Variants in MACROD2 observed in about 807,000 individuals in gnomAD.
MACROD2 encodes the protein ADP-ribose glycohydrolase MACROD2.
MACROD2 carries 36 observed loss-of-function variants against 70.4 expected under a neutral mutation model. The ratio of observed to expected loss-of-function variants is 0.51; its 90% confidence interval spans 0.39 to 0.68. The LOEUF (loss-of-function observed/expected upper bound fraction) is 0.68, where lower values mean the gene tolerates loss of function less well. Ranked by LOEUF, MACROD2 falls within the 30% of genes least tolerant of loss-of-function variation. The pLI is 0.00. For missense variants in MACROD2, 496 were observed against 538.4 expected, an observed-to-expected ratio of 0.92 and a Z score of 0.78; for synonymous variants, 172 against 178.8, an observed-to-expected ratio of 0.96 and a Z score of 0.30.
At chr20:14,951,949 T>C (rs2074479803) in intron 5 of MACROD2, among the ~76,000 whole-genome samples, 1 of 150,892 alleles carries the variant, frequency 6.6e-6, no homozygotes, top group South Asian at 2.1e-4. Context: ...TTATTACTCA[T>C]CACTTAAAAT....
At chr20:15,995,437 C>A (rs1222169167) in intron 15 of MACROD2, among the ~76,000 whole-genome samples, 2 of 151,558 alleles carry the variant, frequency 1.3e-5, no homozygotes, top group Admixed American at 6.6e-5. Context: ...GCAAGCTCCG[C>A]CTCCCAGGTT....
chr20:14,567,064 C>T lies in MACROD2; in HGVS notation c.301+73556C>T, dbSNP rs1236722570. 4.6e-5 allele frequency: 7 copies of T among 151,990 alleles called. No homozygotes were observed. The South Asian group carries it at 6.2e-4, about 14-fold the overall frequency. 9.4% of individuals were successfully genotyped at this position (151,990 alleles called of 1,614,324 possible). ...CCTGGAACTCCTGGGCTCCAGTGAT[C>T]CTTTTGCCTCAGACTCCCTAGTAGC... On this transcript the variant is annotated intron_variant, in intron 4 of 17. Transcript: ENST00000684519.
At chr20:15,140,937 T>C (rs948436917) in intron 5 of MACROD2, among the ~76,000 whole-genome samples, 1 of 152,240 alleles carries the variant, frequency 6.6e-6, no homozygotes, top group Non-Finnish European at 1.5e-5. Context: ...GTATGCACCA[T>C]ACTGACCAAA....
chr20:14,819,579 G>C (rs1334017298), intron 5 of MACROD2, among the ~76,000 whole-genome samples: 1 of 151,994 alleles, frequency 6.6e-6, no homozygotes. Flanking sequence ...CTATTAAACA[G>C]ATCAGTACAT....
At chr20:15,244,691 A>G (rs2077090509) in intron 6 of MACROD2, among the ~76,000 whole-genome samples, 1 of 152,210 alleles carries the variant, frequency 6.6e-6, no homozygotes. Context: ...AAAAGATCTC[A>G]GGGTCTGATT....
chr20:14,539,177 T>C (rs369346447), intron 4 of MACROD2, among the ~76,000 whole-genome samples: 1 of 152,214 alleles, frequency 6.6e-6, no homozygotes, highest in Non-Finnish European at 1.5e-5. Context: ...ATTATCTCAA[T>C]TGTGTACAAT....
At chr20:15,069,590 C>G (rs1291032111) in intron 5 of MACROD2, among the ~76,000 whole-genome samples, 1 of 152,228 alleles carries the variant, frequency 6.6e-6, no homozygotes, top group East Asian at 1.9e-4. Context: ...GGACACTGCT[C>G]CCTGGATCCA....
At chr20:15,198,115 C>A (rs2076622478) in intron 5 of MACROD2, among the ~76,000 whole-genome samples, 1 of 152,092 alleles carries the variant, frequency 6.6e-6, no homozygotes, top group Non-Finnish European at 1.5e-5. Context: ...GCGTGTACCA[C>A]CACACCGGCT....
chr20:15,232,607 T>A lies in MACROD2; in HGVS notation c.540+2546T>A, dbSNP rs565129483. Among the ~76,000 whole-genome samples the A allele has an allele frequency of 3.3e-5, 5 of 152,166 alleles. No individual in the cohort carries two copies. In the East Asian group the frequency reaches 9.6e-4, roughly 29 times the overall value. On this transcript the variant is annotated intron_variant, in intron 6 of 17. Coordinates refer to ENST00000684519, the MANE Select transcript of MACROD2 (RefSeq NM_001351661.2). ...GAGGAATGGAATTCTCTGAAAAGTA[T>A]TTGACAATGTTACTTCAAATATAAG...
At position 15,157,805 on chromosome 20, in the gene MACROD2, G is replaced by A. The variant is rs952181484; in HGVS notation, c.419-72135G>A. Among the ~76,000 whole-genome samples, 6 of 152,234 alleles carry A rather than the reference G, an allele frequency of 3.9e-5. No individual in the cohort carries two copies. The South Asian group carries it at 8.3e-4, about 21-fold the overall frequency. On this transcript the variant is annotated intron_variant, in intron 5 of 17. Coordinates refer to ENST00000684519, the MANE Select transcript of MACROD2 (RefSeq NM_001351661.2). ...TTATTGTACCTGCAGATGCTGGTTA[G>A]TGGTGGCTGTATCCCTCTTCAGAAG...
intron 4 of MACROD2, among the ~76,000 whole-genome samples, chr20:14,514,365 C>T (rs1198889624): frequency 1.3e-5 from 2 of 152,096 alleles, no homozygotes. Context: ...TATGTTCTTT[C>T]TAGCCTGTTA....
At chr20:14,916,806 C>T (rs1244188602) in intron 5 of MACROD2, among the ~76,000 whole-genome samples, 1 of 152,098 alleles carries the variant, frequency 6.6e-6, no homozygotes, top group African/African-American at 2.4e-5. Context: ...CCCGTATTCC[C>T]TGCCTCTAGT....
intron 9 of MACROD2, among the ~76,000 whole-genome samples, chr20:15,884,615 G>A (rs1423802860): frequency 7.2e-5 from 11 of 152,036 alleles, no homozygotes; most frequent in African/African-American, 2.7e-4. Flanking sequence ...GAGAGGAGCA[G>A]TTAGGAAACT....
At chr20:14,459,360 G>T (rs540838455) in intron 3 of MACROD2, among the ~76,000 whole-genome samples, 1 of 152,056 alleles carries the variant, frequency 6.6e-6, no homozygotes, top group South Asian at 2.1e-4. Flanking sequence ...ATACTTATGA[G>T]ACATATACAT....
At chr20:15,480,073 A>G (rs998169366) in intron 7 of MACROD2, among the ~76,000 whole-genome samples, 11 of 152,210 alleles carry the variant, frequency 7.2e-5, no homozygotes, top group Non-Finnish European at 1.6e-4. Context: ...GCCACAGTAG[A>G]TCCAGAATTT....
intron 3 of MACROD2, among the ~76,000 whole-genome samples, chr20:14,168,294 C>G (rs928698813): frequency 6.6e-6 from 1 of 152,054 alleles, no homozygotes; most frequent in African/African-American, 2.4e-5. Context: ...ATATTATTGT[C>G]AATTCAAAGA....
intron 5 of MACROD2, among the ~76,000 whole-genome samples, chr20:14,898,659 T>A (rs545263292): frequency 6.6e-6 from 1 of 152,310 alleles, no homozygotes; most frequent in South Asian, 2.1e-4. Flanking sequence ...TGGTCCCAAC[T>A]CCACTGGGCA....
At chr20:14,475,722 T>C (rs964201328) in intron 3 of MACROD2, among the ~76,000 whole-genome samples, 6 of 152,132 alleles carry the variant, frequency 3.9e-5, no homozygotes, top group African/African-American at 1.4e-4. Flanking sequence ...CCCACTCCCT[T>C]TGGGCCTACA....
At chr20:14,867,983 C>T (rs1480072991) in intron 5 of MACROD2, among the ~76,000 whole-genome samples, 1 of 151,906 alleles carries the variant, frequency 6.6e-6, no homozygotes, top group African/African-American at 2.4e-5. Context: ...AAGGAGAGGG[C>T]AATAGAGTGA....
Sources: allele counts gnomAD v4.1 joint callset (sites outside exome capture counted in the v4.1 genomes callset), GRCh38; gene constraint gnomAD v4.1.1; transcripts MANE v1.5; gene names NCBI Gene and HGNC (gene_info 2026-07-23, HGNC 2026-07-21).